The following FCHO2 variants were observed in gnomAD, a reference collection of about 807,000 sequenced individuals.
FCHO2 encodes FCH and mu domain containing endocytic adaptor 2.
Under a neutral mutation model 114.1 loss-of-function variants are expected in FCHO2, and 43 were observed. The ratio of observed to expected loss-of-function variants is 0.38; its 90% CI spans 0.30 to 0.49. The LOEUF is 0.49. Among genes scored for constraint, FCHO2 ranks in the 20% least tolerant of loss-of-function variants. The pLI is 0.97. For missense variants in FCHO2, 807 were observed against 950.4 expected (o/e 0.85, Z 1.98); for synonymous variants, 293 against 315.2 (o/e 0.93, Z 0.75).
chr5:72,997,214 C>T, intron 5 of FCHO2: 4 of 1,143,696 alleles, frequency 3.5e-6, no homozygotes, highest in African/African-American at 1.5e-5. Context: ...AATAGACAAA[C>T]ATCCTGTCCG....
chr5:73,043,759 ATTATAT>A (rs1308143133), intron 11 of FCHO2, among the ~76,000 whole-genome samples: 1 of 152,198 alleles, frequency 6.6e-6, no homozygotes, highest in African/African-American at 2.4e-5. Flanking sequence ...GGATATATGT[ATTATAT>A]TTATTTTAGA....
At chr5:72,965,709 A>G (rs1752167217) in intron 1 of FCHO2, among the ~76,000 whole-genome samples, 1 of 152,208 alleles carries the variant, frequency 6.6e-6, no homozygotes, top group Non-Finnish European at 1.5e-5. Context: ...AATCTTTAGG[A>G]TTAGTAAAAT....
At chr5:73,085,529 C>G (rs1340819040) in intron 24 of FCHO2, among the ~76,000 whole-genome samples, 1 of 151,632 alleles carries the variant, frequency 6.6e-6, no homozygotes, top group African/African-American at 2.4e-5. Flanking sequence ...AATCCCAGCA[C>G]TTTGGGAGGC....
At chr5:73,040,076 A>G (rs1756733530) in intron 10 of FCHO2, among the ~76,000 whole-genome samples, 1 of 151,876 alleles carries the variant, frequency 6.6e-6, no homozygotes, top group Non-Finnish European at 1.5e-5. Context: ...GTTTTATCCT[A>G]TTTTCCTTTA....
chr5:73,059,717 A>G (rs984856834), intron 17 of FCHO2, among the ~76,000 whole-genome samples: 9 of 152,144 alleles, frequency 5.9e-5, no homozygotes, highest in Admixed American at 2.6e-4. Context: ...TAAAACAGCA[A>G]GAAACAGTCA....
chr5:73,025,656 G>A (rs1219515352), intron 8 of FCHO2, among the ~76,000 whole-genome samples: 1 of 152,102 alleles, frequency 6.6e-6, no homozygotes, highest in African/African-American at 2.4e-5. Context: ...TGTGATTATA[G>A]GTGTGAGCCA....
intron 8 of FCHO2, among the ~76,000 whole-genome samples, chr5:73,022,445 C>CT (rs1209867467): frequency 1.3e-5 from 2 of 152,056 alleles, no homozygotes; most frequent in Non-Finnish European, 2.9e-5. Context: ...TTCCTGGGCT[C>CT]TTTTTACTGC....
Position 73,090,009 on chromosome 5 carries a change from A to G in FCHO2, c.*1919A>G, listed in dbSNP as rs1290754391. 2 of 152,562 alleles carry G rather than the reference A, an allele frequency of 1.3e-5. No homozygotes were observed. Among genetic ancestry groups the G allele is most frequent in the South Asian group, 2.1e-4 (1 of 4,832 alleles). 9.5% of individuals were successfully genotyped at this position (152,562 alleles called of 1,614,324 possible). A position where few individuals can be genotyped will look rare whatever the true frequency, so the allele number is the denominator to read the frequency against. On this transcript the variant is annotated 3_prime_UTR_variant, in exon 26 of 26. Transcript: ENST00000430046. Reference sequence around the variant, plus strand: ...AATTCTAACTGTAATTTGCTTTGCAATCAAACTGCTTTTAGGGCAGCCAAT... The same window carrying G: ...AATTCTAACTGTAATTTGCTTTGCAGTCAAACTGCTTTTAGGGCAGCCAAT...
At position 73,009,821 on chromosome 5, in the gene FCHO2, A is replaced by G. The variant is rs1754911997; in HGVS notation, c.600+3272A>G. ...CAAAATGCTGGCTGGGATCACAGGC[A>G]CCGTGCCAGCCCATTCTGCCCTTTT... On this transcript the variant is annotated intron_variant, in intron 6 of 25. Transcript: ENST00000430046. 2.0e-5 allele frequency among the ~76,000 whole-genome samples: 3 copies of G among 152,282 alleles called. No homozygotes were observed. The South Asian group carries it at 6.2e-4, about 32-fold the overall frequency.
intron 2 of FCHO2, among the ~76,000 whole-genome samples, chr5:72,980,807 T>C (rs953196771): frequency 6.6e-6 from 1 of 152,180 alleles, no homozygotes; most frequent in Non-Finnish European, 1.5e-5. Context: ...TAAATATTCC[T>C]CCATCCCTTT....
At chr5:72,982,634 G>A (rs1407103096) in intron 2 of FCHO2, among the ~76,000 whole-genome samples, 1 of 152,074 alleles carries the variant, frequency 6.6e-6, no homozygotes, top group African/African-American at 2.4e-5. Flanking sequence ...CCAAGGTCTG[G>A]TGTATTGGAG....
chr5:73,000,459 GA>G (rs1754373928), intron 5 of FCHO2, among the ~76,000 whole-genome samples: 1 of 128,452 alleles, frequency 7.8e-6, no homozygotes, highest in Admixed American at 8.7e-5. Flanking sequence ...CAACAAGAGT[GA>G]AACTCAGTCT....
At chr5:72,960,845 G>A (rs988346806) in intron 1 of FCHO2, among the ~76,000 whole-genome samples, 6 of 152,016 alleles carry the variant, frequency 3.9e-5, no homozygotes, top group East Asian at 1.9e-4. Flanking sequence ...ATCTATATAC[G>A]ATATGAAGCA....
intron 5 of FCHO2, among the ~76,000 whole-genome samples, chr5:73,005,939 A>C (rs554573157): frequency 6.6e-6 from 1 of 152,318 alleles, no homozygotes; most frequent in South Asian, 2.1e-4. Context: ...ACATCAAGGA[A>C]ACCAGCCTTC....
At chr5:73,085,599 ACCCTG>A (rs1478481960) in intron 24 of FCHO2, among the ~76,000 whole-genome samples, 3 of 148,872 alleles carry the variant, frequency 2.0e-5, no homozygotes, top group Non-Finnish European at 4.5e-5. Flanking sequence ...ATGTGGCAAA[ACCCTG>A]CCTCTACTAA....
At chr5:72,960,378 G>A (rs2112579495) in intron 1 of FCHO2, among the ~76,000 whole-genome samples, 1 of 152,264 alleles carries the variant, frequency 6.6e-6, no homozygotes, top group East Asian at 1.9e-4. Flanking sequence ...TTGCCACGAA[G>A]TATAGCACCA....
intron 17 of FCHO2, among the ~76,000 whole-genome samples, 164 bp downstream of exon 17, chr5:73,058,688 T>C (rs1272599844): frequency 2.0e-5 from 3 of 152,164 alleles, no homozygotes; most frequent in Non-Finnish European, 4.4e-5. Flanking sequence ...TTCTCTTAGA[T>C]ACTCTATGAC....
At position 73,017,296 on chromosome 5, in the gene FCHO2, A is replaced by G; in HGVS notation, c.784A>G (p.Lys262Glu). 6.4e-7 allele frequency: 1 copy of G among 1,559,116 alleles called. No homozygotes were observed. Among genetic ancestry groups the G allele is most frequent in the Admixed American group, 1.9e-5 (1 of 52,752 alleles). The part of the protein sequence containing the change: ...QKFAESKGTG[K>E]ERPGLIEFEE... ...ATTTGCTGAGTCAAAAGGCACTGGG[A>G]AGGAAAGACCTGGTAAGATGATAAA... The change falls in exon 8 of 26, where the codon AAG becomes GAG. Residue 262 changes from lysine (K) to glutamate (E), a missense_variant. Physicochemically the swap from Lys to Glu is moderately conservative, Grantham distance 56. Transcript: ENST00000430046.
chr5:73,074,722 GTTAA>G lies in FCHO2; in HGVS notation c.1580-17_1580-14del. On this transcript the variant is annotated splice_polypyrimidine_tract_variant and intron_variant, in intron 19 of 25. Transcript: ENST00000430046. ...TATGTCTTTCTGAAGGATTTAACAA[GTTAA>G]TTGTGTATATTCTAGGTGTGTCACG... is the stretch of plus-strand genomic sequence containing the variant. 1 of 1,596,300 alleles carries G rather than the reference GTTAA, an allele frequency of 6.3e-7. No individual in the cohort carries two copies. Among genetic ancestry groups the G allele is most frequent in the East Asian group, 2.2e-5 (1 of 44,550 alleles).
Sources: allele counts gnomAD v4.1 joint callset (sites outside exome capture counted in the v4.1 genomes callset), GRCh38; gene constraint gnomAD v4.1.1; transcripts MANE v1.5; gene names NCBI Gene and HGNC (gene_info 2026-07-23, HGNC 2026-07-21).